PRDM11: variants seen among roughly 807,000 people sequenced by gnomAD.
PRDM11 encodes PR/SET domain 11, also known as PR domain-containing protein 11.
In PRDM11, 20 loss-of-function variants were observed where a neutral mutation model predicts 97.8. That is an observed-to-expected ratio of 0.20 (90% CI 0.14 to 0.30). The LOEUF (loss-of-function observed/expected upper bound fraction) is 0.30, where lower values mean the gene tolerates loss of function less well. Among genes scored for constraint, PRDM11 ranks in the 10% least tolerant of loss-of-function variants. The pLI is 1.00. For synonymous variants in PRDM11, 599 were observed against 637.7 expected (o/e 0.94, Z 0.91); for missense variants, 1,139 against 1,555.2 (o/e 0.73, Z 4.50).
intron 1 of PRDM11, among the ~76,000 whole-genome samples, chr11:45,166,373 C>T (rs977948895): frequency 6.6e-6 from 1 of 152,226 alleles, no homozygotes; most frequent in African/African-American, 2.4e-5. Flanking sequence ...AGCAGAGTCC[C>T]CCAGAGCCCC....
At chr11:45,193,761 C>T (rs1264901740) in intron 4 of PRDM11, among the ~76,000 whole-genome samples, 1 of 152,350 alleles carries the variant, frequency 6.6e-6, no homozygotes, top group South Asian at 2.1e-4. Context: ...TACTCTTGCT[C>T]ACGTATCTGC....
chr11:45,148,042 G>A (rs1044921896), intron 1 of PRDM11, among the ~76,000 whole-genome samples: 1 of 152,154 alleles, frequency 6.6e-6, no homozygotes, highest in Non-Finnish European at 1.5e-5. Flanking sequence ...AGGGAGGAAG[G>A]TTCGGGCTTT....
intron 1 of PRDM11, among the ~76,000 whole-genome samples, chr11:45,151,506 G>C (rs1380372573): frequency 6.6e-6 from 1 of 152,218 alleles, no homozygotes; most frequent in Non-Finnish European, 1.5e-5. Context: ...GTACCATTCG[G>C]TCCTTCATTC....
At chr11:45,117,171 G>A (rs1419940896) in intron 1 of PRDM11, among the ~76,000 whole-genome samples, 2 of 139,566 alleles carry the variant, frequency 1.4e-5, no homozygotes, top group Admixed American at 7.6e-5. Context: ...GCAATGAGCC[G>A]AGATAATACC....
intron 1 of PRDM11, among the ~76,000 whole-genome samples, chr11:45,138,554 C>A (rs371361817): frequency 6.6e-6 from 1 of 152,146 alleles, no homozygotes; most frequent in East Asian, 1.9e-4. Flanking sequence ...GGTGACAGAG[C>A]GAGACTCTGT....
intron 1 of PRDM11, among the ~76,000 whole-genome samples, chr11:45,171,901 G>A (rs989422458): frequency 7.2e-6 from 1 of 139,094 alleles, no homozygotes; most frequent in Non-Finnish European, 1.6e-5. Flanking sequence ...CCAACTGGGT[G>A]TCCAACAATT....
intron 1 of PRDM11, among the ~76,000 whole-genome samples, chr11:45,176,470 C>T (rs1044119648): frequency 2.6e-5 from 4 of 152,080 alleles, no homozygotes; most frequent in African/African-American, 7.2e-5. Context: ...AGGGTACTTA[C>T]GATAGGTCAG....
intron 1 of PRDM11, among the ~76,000 whole-genome samples, chr11:45,161,791 A>G (rs1216069358): frequency 6.6e-6 from 1 of 152,218 alleles, no homozygotes; most frequent in East Asian, 1.9e-4. Context: ...GCTCCAAACC[A>G]CACTGATGCT....
chr11:45,116,419 A>G (rs933772780), intron 1 of PRDM11, among the ~76,000 whole-genome samples: 1 of 152,252 alleles, frequency 6.6e-6, no homozygotes, highest in African/African-American at 2.4e-5. Flanking sequence ...AAATTTTTCA[A>G]AAGATTGAAA....
intron 1 of PRDM11, among the ~76,000 whole-genome samples, chr11:45,139,337 G>A (rs992570939): frequency 6.6e-6 from 1 of 152,122 alleles, no homozygotes; most frequent in Non-Finnish European, 1.5e-5. Context: ...GGGAGGCCGA[G>A]GCAGATGGAT....
intron 4 of PRDM11, among the ~76,000 whole-genome samples, chr11:45,195,082 G>C (rs1045185048): frequency 6.6e-6 from 1 of 151,868 alleles, no homozygotes; most frequent in South Asian, 2.1e-4. Context: ...CTTCCCACTT[G>C]CATGGAAACC....
intron 6 of PRDM11, among the ~76,000 whole-genome samples, chr11:45,220,399 G>A (rs1403410107): frequency 1.3e-5 from 2 of 152,230 alleles, no homozygotes; most frequent in Non-Finnish European, 2.9e-5. Flanking sequence ...TGGAGTCATG[G>A]ACATGTGGCA....
In PRDM11 at chr11:45,234,612, A is replaced by G. The variant is rs934747247; in HGVS notation, c.*6453A>G. 1 of 152,346 alleles carries G rather than the reference A, an allele frequency of 6.6e-6. No homozygotes were observed. Among genetic ancestry groups the G allele is most frequent in the Non-Finnish European group, 1.5e-5 (1 of 68,210 alleles). The allele number at this position is 152,346 out of a possible 1,614,324, so 9.4% of individuals were successfully genotyped here. A position where few individuals can be genotyped will look rare whatever the true frequency, so the allele number is the denominator to read the frequency against. On this transcript the variant is annotated 3_prime_UTR_variant, in exon 8 of 8. Transcript: ENST00000683152. ...TCCCCAGGTAGCAATCCCACAATGC[A>G]CTGTACCTCAGAGAGAGAGCACGCC... is the stretch of plus-strand genomic sequence containing the variant.
intron 5 of PRDM11, chr11:45,213,117 G>A (rs778306121): frequency 6.1e-5 from 28 of 456,144 alleles, no homozygotes; most frequent in Middle Eastern, 3.2e-4. Flanking sequence ...CCAGTCTTTC[G>A]TGTCCAGGAA....
chr11:45,154,346 A>G (rs1851736354), intron 1 of PRDM11, among the ~76,000 whole-genome samples: 1 of 152,136 alleles, frequency 6.6e-6, no homozygotes, highest in Non-Finnish European at 1.5e-5. Flanking sequence ...ACAGAGTGAG[A>G]CCCTGTCTCA....
In PRDM11 at chr11:45,148,554, T is replaced by A. The variant is rs78267558; in HGVS notation, c.-7+1677T>A. Among the ~76,000 whole-genome samples the A allele has an allele frequency of 7.8e-3, 1,189 of 152,230 alleles. 54 individuals carry two copies. In the East Asian group the frequency reaches 0.15, roughly 19 times the overall value. ...AGCTGGTGGCAGGGTCTCGTTTCCT[T>A]CCCTGGTGACGTTCACAAAGATGAG... On this transcript the variant is annotated intron_variant, in intron 1 of 7. Transcript: ENST00000683152.
rs371711543 is a variant in PRDM11 at position 45,224,497 on chromosome 11, C to G, written c.1023C>G (p.Ala341=). 15 of 1,614,190 alleles carry G rather than the reference C, an allele frequency of 9.3e-6. No individual in the cohort carries two copies. The highest frequency in any genetic ancestry group is 1.2e-5 in the Non-Finnish European group (14 of 1,180,036). Residue 341 remains alanine, a synonymous_variant, in exon 7 of 8, where the codon GCC becomes GCG. Transcript: ENST00000683152. ...AAGTCCCCAAATACCAGGATGACGCCTACAGTCAGTGTGCAACAACAATGA... is the reference window on the plus strand; with the variant it reads ...AAGTCCCCAAATACCAGGATGACGCGTACAGTCAGTGTGCAACAACAATGA... ...IRKVPKYQDD[A]YSQCATTMTH...
chr11:45,217,267 G>A (rs1853983240), intron 5 of PRDM11, among the ~76,000 whole-genome samples: 1 of 152,126 alleles, frequency 6.6e-6, no homozygotes, highest in African/African-American at 2.4e-5. Context: ...AATTTGGAGT[G>A]ACTTCTCTCA....
At chr11:45,117,226 C>CAAA (rs34073689) in intron 1 of PRDM11, among the ~76,000 whole-genome samples, 57 of 82,142 alleles carry the variant, frequency 6.9e-4, no homozygotes, top group African/African-American at 2.3e-3. Context: ...GACTCCATCT[C>CAAA]AAAAAAAAAA....
Sources: allele counts gnomAD v4.1 joint callset (sites outside exome capture counted in the v4.1 genomes callset), GRCh38; gene constraint gnomAD v4.1.1; transcripts MANE v1.5; gene names NCBI Gene and HGNC (gene_info 2026-07-23, HGNC 2026-07-21).